Variants in CPQ observed in about 807,000 individuals in gnomAD.
CPQ encodes Ser-Met dipeptidase.
Under a neutral mutation model 45.7 loss-of-function variants are expected in CPQ, and 37 were observed. The ratio of observed to expected loss-of-function variants is 0.81; its 90% CI spans 0.62 to 1.07. The LOEUF (loss-of-function observed/expected upper bound fraction) is 1.07, where lower values mean the gene tolerates loss of function less well. CPQ is among the 50% of genes least tolerant of loss of function. The pLI is 0.00. For missense variants in CPQ, 537 were observed against 572.9 expected (o/e 0.94, Z 0.64); for synonymous variants, 186 against 205.8 (o/e 0.90, Z 0.82).
chr8:96,711,051 G>T (rs1431409315), intron 1 of CPQ, among the ~76,000 whole-genome samples: 1 of 151,908 alleles, frequency 6.6e-6, no homozygotes, highest in African/African-American at 2.4e-5. Flanking sequence ...CATATATTTA[G>T]GATTATAATG....
intron 7 of CPQ, among the ~76,000 whole-genome samples, chr8:97,108,575 C>T (rs34943914): frequency 0.085 from 12,931 of 152,226 alleles, 650 homozygotes; most frequent in Non-Finnish European, 0.1. Context: ...CTACTGCAAT[C>T]GCTTTCTGAA....
At chr8:96,770,713 T>TTA (rs1174821657) in intron 1 of CPQ, among the ~76,000 whole-genome samples, 2 of 147,064 alleles carry the variant, frequency 1.4e-5, no homozygotes, top group African/African-American at 4.9e-5. Context: ...TATATATATA[T>TTA]TATATATATA....
chr8:96,979,047 T>G (rs1813838409), intron 5 of CPQ, among the ~76,000 whole-genome samples: 1 of 112,756 alleles, frequency 8.9e-6, no homozygotes. Flanking sequence ...AGTTAGGAAG[T>G]GGTAAAAAAA....
intron 3 of CPQ, among the ~76,000 whole-genome samples, chr8:96,850,087 C>T (rs746663467): frequency 8.5e-5 from 13 of 152,098 alleles, no homozygotes; most frequent in Non-Finnish European, 1.8e-4. Context: ...CGTAGGTCCC[C>T]CCTAAATTGA....
intron 5 of CPQ, among the ~76,000 whole-genome samples, chr8:96,978,107 T>C (rs1201996530): frequency 6.6e-6 from 1 of 152,242 alleles, no homozygotes; most frequent in Non-Finnish European, 1.5e-5. Flanking sequence ...TTTATTCTGA[T>C]ATGTTATTTC....
intron 7 of CPQ, among the ~76,000 whole-genome samples, chr8:97,090,111 C>T (rs145392047): frequency 2.6e-5 from 4 of 152,300 alleles, no homozygotes; most frequent in African/African-American, 7.2e-5. Flanking sequence ...AAAAGGATAA[C>T]ACTGAGGTTA....
At chr8:96,767,661 T>TTTTTA (rs869034854) in intron 1 of CPQ, among the ~76,000 whole-genome samples, 1 of 122,262 alleles carries the variant, frequency 8.2e-6, no homozygotes, top group African/African-American at 3.0e-5. Context: ...TTTTTTTTTT[T>TTTTTA]GAGACGGACT....
At chr8:96,797,343 C>T (rs1810945213) in intron 2 of CPQ, among the ~76,000 whole-genome samples, 1 of 152,160 alleles carries the variant, frequency 6.6e-6, no homozygotes. Flanking sequence ...TGAATGCCAA[C>T]TCTCCATATC....
chr8:96,941,403 T>C (rs530241165), intron 4 of CPQ, among the ~76,000 whole-genome samples: 1 of 152,266 alleles, frequency 6.6e-6, no homozygotes, highest in South Asian at 2.1e-4. Context: ...TTCTTTAATC[T>C]TTTGTCCTGA....
At position 96,713,930 on chromosome 8, in the gene CPQ, T is replaced by G. The variant is rs572505174; in HGVS notation, c.-35+68528T>G. 5.9e-5 allele frequency among the ~76,000 whole-genome samples: 9 copies of G among 152,372 alleles called. No homozygotes were observed. In the South Asian group the frequency reaches 1.9e-3, roughly 32 times the overall value. ...TTTTGCTGGATACAAAATTCTTGGT[T>G]GATAGTTATTCTTTTTAAGAGGCTA... On this transcript the variant is annotated intron_variant, in intron 1 of 7. Coordinates refer to ENST00000220763, the MANE Select transcript of CPQ (RefSeq NM_016134.4).
intron 4 of CPQ, among the ~76,000 whole-genome samples, chr8:96,903,749 ATACTAAAAATGGATTTGTT>A (rs1007551007): frequency 6.6e-6 from 1 of 152,218 alleles, no homozygotes; most frequent in Non-Finnish European, 1.5e-5. Flanking sequence ...TCTGAAGCCC[ATACTAAAAATGGATTTGTT>A]CTGCTGTCTT....
intron 6 of CPQ, among the ~76,000 whole-genome samples, chr8:97,052,348 T>C (rs1810378356): frequency 6.6e-6 from 1 of 152,142 alleles, no homozygotes; most frequent in Non-Finnish European, 1.5e-5. Context: ...CTGTTTATTA[T>C]TTTCCTCATC....
At chr8:96,693,860 T>G (rs1296306002) in intron 1 of CPQ, among the ~76,000 whole-genome samples, 1 of 152,130 alleles carries the variant, frequency 6.6e-6, no homozygotes, top group Non-Finnish European at 1.5e-5. Flanking sequence ...ACCCATATCT[T>G]AAGTAGAAAG....
At chr8:97,126,484 A>T (rs1811849801) in intron 7 of CPQ, among the ~76,000 whole-genome samples, 1 of 152,176 alleles carries the variant, frequency 6.6e-6, no homozygotes, top group South Asian at 2.1e-4. Flanking sequence ...TTATGCCTTC[A>T]TTTTTATTCT....
chr8:97,063,537 A>T (rs10086925), intron 6 of CPQ, among the ~76,000 whole-genome samples: 23,728 of 151,852 alleles, frequency 0.16, 4,623 homozygotes, highest in African/African-American at 0.46. Context: ...TGTCATGAAA[A>T]CTTTGCTAGT....
chr8:97,139,530 T>C (rs573581536), intron 7 of CPQ, among the ~76,000 whole-genome samples: 5 of 152,128 alleles, frequency 3.3e-5, no homozygotes, highest in African/African-American at 1.2e-4. Context: ...ATTCAAAGAA[T>C]CTATATCATA....
chr8:96,809,070 G>A (rs1164969904), intron 2 of CPQ, among the ~76,000 whole-genome samples: 2 of 152,152 alleles, frequency 1.3e-5, no homozygotes, highest in Non-Finnish European at 2.9e-5. Flanking sequence ...CAGGAAGTTT[G>A]AGAAGTGCTT....
intron 4 of CPQ, among the ~76,000 whole-genome samples, chr8:96,934,838 C>G (rs1157508232): frequency 6.6e-6 from 1 of 152,112 alleles, no homozygotes; most frequent in Non-Finnish European, 1.5e-5. Flanking sequence ...TTATGAAGGG[C>G]CATACCCAAA....
intron 4 of CPQ, among the ~76,000 whole-genome samples, chr8:96,934,403 G>A (rs143341929): frequency 6.6e-6 from 1 of 152,252 alleles, no homozygotes; most frequent in African/African-American, 2.4e-5. Context: ...TTCCAGGCAG[G>A]GGCATGATTG....
Sources: gnomAD v4.1 joint callset for allele counts (sites outside exome capture counted in the v4.1 genomes callset) on GRCh38, gnomAD v4.1.1 for gene constraint, MANE v1.5 for transcripts, NCBI Gene and HGNC (gene_info 2026-07-23, HGNC 2026-07-21) for gene names.